EYS: variants seen among roughly 807,000 people sequenced by gnomAD.
The protein encoded by EYS is EGF-like photoreceptor maintenance factor.
In EYS, 250 loss-of-function variants were observed where a neutral mutation model predicts 282.1. That is an observed-to-expected ratio of 0.89 (90% confidence interval 0.80 to 0.98). EYS has a LOEUF of 0.98. Ranked by LOEUF, EYS falls within the 50% of genes least tolerant of loss-of-function variation. The probability of loss-of-function intolerance (pLI) is 0.00; values close to 1 mark genes in which losing one functional copy is unlikely to be tolerated. For missense variants in EYS, 4,016 were observed against 3,709.0 expected, an observed-to-expected ratio of 1.08 and a Z score of -2.15; for synonymous variants, 1,355 against 1,282.9, an observed-to-expected ratio of 1.06 and a Z score of -1.20.
chr6:63,830,591 T>G (rs112740001), intron 36 of EYS, among the ~76,000 whole-genome samples: 1 of 152,182 alleles, frequency 6.6e-6, no homozygotes, highest in African/African-American at 2.4e-5. Context: ...TATGTCTGAT[T>G]GGTGTACCTG....
At chr6:65,503,279 G>A (rs535076810) in intron 2 of EYS, among the ~76,000 whole-genome samples, 1 of 151,550 alleles carries the variant, frequency 6.6e-6, no homozygotes, top group East Asian at 1.9e-4. Context: ...GGGTTGAATT[G>A]TCTATTCAGA....
intron 26 of EYS, among the ~76,000 whole-genome samples, chr6:64,497,121 A>G (rs1467022671): frequency 6.6e-6 from 1 of 152,148 alleles, no homozygotes; most frequent in African/African-American, 2.4e-5. Flanking sequence ...GTAGTAACAG[A>G]CACAATGCAA....
At chr6:65,119,608 T>A (rs1958923) in intron 12 of EYS, among the ~76,000 whole-genome samples, 29,729 of 149,228 alleles carry the variant, frequency 0.2, 3,239 homozygotes, top group African/African-American at 0.25. Context: ...ATCCCATTTT[T>A]AAAATTTCTT....
intron 29 of EYS, among the ~76,000 whole-genome samples, chr6:64,348,189 G>T (rs1014453921): frequency 6.6e-6 from 1 of 151,232 alleles, no homozygotes; most frequent in Non-Finnish European, 1.5e-5. Flanking sequence ...GCACTATTAT[G>T]CACTTCTCAT....
intron 11 of EYS, among the ~76,000 whole-genome samples, chr6:65,307,439 T>A (rs1226402881): frequency 2.0e-5 from 3 of 152,160 alleles, no homozygotes; most frequent in African/African-American, 7.2e-5. Flanking sequence ...GTGTCTGTTT[T>A]CTAACGTCTG....
At chr6:63,752,427 G>A (rs1409273821) in intron 41 of EYS, among the ~76,000 whole-genome samples, 1 of 151,520 alleles carries the variant, frequency 6.6e-6, no homozygotes, top group Non-Finnish European at 1.5e-5. Context: ...ATAAGAAATG[G>A]CCATCTATAT....
At position 64,230,630 on chromosome 6, in the gene EYS, T is replaced by C; in HGVS notation, c.6386A>G (p.Asp2129Gly). Residue 2129 changes from aspartate to glycine, a missense_variant, in exon 31 of 43, where the codon GAC (aspartate) becomes GGC (glycine). By Grantham distance (94) the Asp-to-Gly change is moderately conservative. Coordinates refer to ENST00000503581, the MANE Select transcript of EYS (RefSeq NM_001142800.2). ...GCGGCCAGTGAAATGTAGTGGACAG[T>C]CACATTGGAATGACACTATGCCACT... ...LSSGIVSFQC[D>G]CPLHFTGRFC... 3 of 1,551,416 alleles carry C rather than the reference T, an allele frequency of 1.9e-6. No homozygotes were observed. The highest frequency in any genetic ancestry group is 2.6e-6 in the Non-Finnish European group (3 of 1,146,784).
intron 31 of EYS, among the ~76,000 whole-genome samples, chr6:64,184,556 C>CA (rs11403969): frequency 0.27 from 38,863 of 143,502 alleles, 5,198 homozygotes; most frequent in East Asian, 0.42. Context: ...CACCATTATG[C>CA]AAAAAAAAAA....
chr6:65,161,907 T>C (rs1214771582), intron 12 of EYS, among the ~76,000 whole-genome samples: 1 of 151,156 alleles, frequency 6.6e-6, no homozygotes, highest in South Asian at 2.1e-4. Context: ...TCTGTATAAA[T>C]TGAAATATTT....
At chr6:65,091,681 G>C (rs1297228842) in intron 12 of EYS, among the ~76,000 whole-genome samples, 2 of 152,058 alleles carry the variant, frequency 1.3e-5, no homozygotes, top group African/African-American at 2.4e-5. Flanking sequence ...TAGTGTAAGG[G>C]GAATGGCTGT....
intron 40 of EYS, among the ~76,000 whole-genome samples, chr6:63,769,162 A>G (rs748569558): frequency 3.3e-5 from 5 of 152,028 alleles, no homozygotes; most frequent in Non-Finnish European, 7.4e-5. Flanking sequence ...TTGTACACCA[A>G]ACCTCGGCAA....
intron 1 of EYS, among the ~76,000 whole-genome samples, chr6:65,648,314 A>ATGTGTGTGTGTGTGTG (rs58196369): frequency 2.0e-5 from 3 of 147,792 alleles, no homozygotes; most frequent in Admixed American, 1.4e-4. Flanking sequence ...AAGAAAATAT[A>ATGTGTGTGTGTGTGTG]TGTGTGTGTG....
intron 26 of EYS, among the ~76,000 whole-genome samples, chr6:64,485,920 A>G (rs1776569134): frequency 6.6e-6 from 1 of 151,484 alleles, no homozygotes; most frequent in African/African-American, 2.4e-5. Flanking sequence ...GATTATATAA[A>G]TACTGAGGAT....
chr6:64,390,390 G>C (rs1773076557), intron 28 of EYS, among the ~76,000 whole-genome samples: 2 of 152,070 alleles, frequency 1.3e-5, no homozygotes, highest in Admixed American at 1.3e-4. Context: ...CAGCTTTGAA[G>C]AGAGCAGTGG....
At chr6:65,233,526 C>A (rs1475967895) in intron 12 of EYS, among the ~76,000 whole-genome samples, 1 of 152,100 alleles carries the variant, frequency 6.6e-6, no homozygotes, top group Non-Finnish European at 1.5e-5. Context: ...ATAAGCTCTC[C>A]TTAGCCAGTT....
chr6:63,956,664 T>C (rs78816165), intron 35 of EYS, among the ~76,000 whole-genome samples: 2,173 of 152,312 alleles, frequency 0.014, 48 homozygotes, highest in African/African-American at 0.049. Context: ...TATACATACA[T>C]ACATTATGAA....
At chr6:63,898,510 T>A (rs1284304739) in intron 35 of EYS, among the ~76,000 whole-genome samples, 1 of 132,386 alleles carries the variant, frequency 7.6e-6, no homozygotes, top group Admixed American at 7.6e-5. Context: ...ATAATAAAAA[T>A]AAATAAATAA....
chr6:65,230,651 A>C (rs1766747675), intron 12 of EYS, among the ~76,000 whole-genome samples: 1 of 151,700 alleles, frequency 6.6e-6, no homozygotes, highest in South Asian at 2.1e-4. Context: ...CCTATCTCAC[A>C]TGTGGAGGGC....
chr6:64,687,113 T>C (rs1309419925), intron 22 of EYS, among the ~76,000 whole-genome samples: 1 of 151,418 alleles, frequency 6.6e-6, no homozygotes, highest in Non-Finnish European at 1.5e-5. Context: ...CTATGAAACA[T>C]TTAACGTAGA....
Sources: gnomAD v4.1 joint callset for allele counts (sites outside exome capture counted in the v4.1 genomes callset) on GRCh38, gnomAD v4.1.1 for gene constraint, MANE v1.5 for transcripts, NCBI Gene and HGNC (gene_info 2026-07-23, HGNC 2026-07-21) for gene names.